The following CTDNEP1 variants were observed in gnomAD, a reference collection of about 807,000 sequenced individuals.
CTDNEP1 encodes CTD nuclear envelope phosphatase 1.
CTDNEP1 carries 3 observed loss-of-function variants against 30.1 expected under a neutral mutation model. The observed-to-expected ratio is 0.10, with a 90% confidence interval of 0.05 to 0.26. The LOEUF is 0.26. Among genes scored for constraint, CTDNEP1 ranks in the 10% least tolerant of loss-of-function variants. The pLI is 1.00. For synonymous variants in CTDNEP1, 123 were observed against 118.8 expected, an observed-to-expected ratio of 1.04 and a Z score of -0.23; for missense variants, 158 against 310.4, an observed-to-expected ratio of 0.51 and a Z score of 3.69.
chr17:7,246,448 C>T lies in CTDNEP1; in HGVS notation c.361-78G>A. 9.3e-7 allele frequency: 1 copy of T among 1,069,576 alleles called. No individual in the cohort carries two copies. Among genetic ancestry groups the T allele is most frequent in the Non-Finnish European group, 1.4e-6 (1 of 696,250 alleles). 66.3% of individuals were successfully genotyped at this position (1,069,576 alleles called of 1,614,324 possible). A position where few individuals can be genotyped will look rare whatever the true frequency, so the allele number is the denominator to read the frequency against. On this transcript the variant is annotated intron_variant, in intron 4 of 7. Transcript: ENST00000574322. This position sits in a 1 kb window ranked among gnomAD's most constrained non-coding sequence, Gnocchi z 4.9. ...GACATACAGTTATCTTTCAGAAAGGCAATGGCATAGTCCTTCAGGCCTTCC... is the reference window on the plus strand; with the variant it reads ...GACATACAGTTATCTTTCAGAAAGGTAATGGCATAGTCCTTCAGGCCTTCC...
At chr17:7,244,413 G>A in intron 7 of CTDNEP1, 138 bp downstream of exon 7, 2 of 1,184,788 alleles carry the variant, frequency 1.7e-6, no homozygotes, top group Non-Finnish European at 2.5e-6. Context: ...GAGCTTTGAA[G>A]TAAGACGACC....
chr17:7,245,147 C>T (rs903370768), intron 6 of CTDNEP1, among the ~76,000 whole-genome samples: 15 of 152,140 alleles, frequency 9.9e-5, no homozygotes, highest in Admixed American at 9.2e-4. Flanking sequence ...AAAAAATTAG[C>T]TGCGCGTGGT....
At chr17:7,248,387 T>C (rs1597574982) in intron 1 of CTDNEP1, among the ~76,000 whole-genome samples, 1 of 118,180 alleles carries the variant, frequency 8.5e-6, no homozygotes, top group Non-Finnish European at 1.7e-5. Flanking sequence ...GAGAAGGGAG[T>C]CTCACTCCAT....
chr17:7,248,153 C>T (rs1189361856), intron 1 of CTDNEP1, among the ~76,000 whole-genome samples: 3 of 140,272 alleles, frequency 2.1e-5, no homozygotes, highest in East Asian at 2.6e-4. Flanking sequence ...CCCAGCTACT[C>T]GGGAGGCTGA....
chr17:7,249,662 T>C (rs781523159), intron 1 of CTDNEP1, among the ~76,000 whole-genome samples: 1 of 152,130 alleles, frequency 6.6e-6, no homozygotes, highest in Non-Finnish European at 1.5e-5. Context: ...TCAATCCCAG[T>C]ACTTTTGTGA....
At chr17:7,251,162 TC>T in intron 1 of CTDNEP1, 32 bp downstream of exon 1, 2 of 1,503,244 alleles carry the variant, frequency 1.3e-6, no homozygotes, top group South Asian at 2.4e-5. Flanking sequence ...CCGCCAGACG[TC>T]CCCAACACCG....
Position 7,246,156 on chromosome 17 carries a change from T to A in CTDNEP1, c.478-19A>T, listed in dbSNP as rs748228830. 3.7e-6 allele frequency: 6 copies of A among 1,602,424 alleles called. No homozygotes were observed. In the African/African-American group the frequency reaches 8.0e-5, roughly 21 times the overall value. The stretch of plus-strand genomic sequence containing the variant: ...TGCAGTGCTGGAAGGCAGGGGATCA[T>A]GTAGCAGGCCTCTCTCCAGGATACT... On this transcript the variant is annotated intron_variant, in intron 5 of 7. Coordinates refer to ENST00000574322, the MANE Select transcript of CTDNEP1 (RefSeq NM_001143775.2). The surrounding 1 kb of genome is among the most constrained non-coding windows in gnomAD (Gnocchi z 4.9).
At position 7,251,219 on chromosome 17, in the gene CTDNEP1, G is replaced by A. The variant is rs148079519; in HGVS notation, c.78C>T (p.Tyr26=). The stretch of plus-strand genomic sequence containing the variant: ...CCGTGCGGATCTGCCTCCGCAGAAG[G>A]TAAATGAAGAAGCTCCAGAGCTTGG... ...FAAKLWSFFI[Y]LLRRQIRTVI... is the part of the protein sequence containing the mutation. The change falls in exon 1 of 8, where the codon TAC becomes TAT. Residue 26 remains tyrosine (Y), a synonymous_variant. Coordinates refer to ENST00000574322, the MANE Select transcript of CTDNEP1 (RefSeq NM_001143775.2). 4.1e-5 allele frequency: 66 copies of A among 1,602,848 alleles called. No homozygotes were observed. Among genetic ancestry groups the A allele is most frequent in the Non-Finnish European group, 5.4e-5 (63 of 1,175,876 alleles).
chr17:7,245,148 T>C (rs1962395643), intron 6 of CTDNEP1, among the ~76,000 whole-genome samples: 1 of 152,072 alleles, frequency 6.6e-6, no homozygotes, highest in Admixed American at 6.6e-5. Flanking sequence ...AAAAATTAGC[T>C]GCGCGTGGTG....
Position 7,246,152 on chromosome 17 carries a change from A to G in CTDNEP1, c.478-15T>C. The G allele has an allele frequency of 6.2e-7, 1 of 1,605,284 alleles. No individual in the cohort carries two copies. Among genetic ancestry groups the G allele is most frequent in the Non-Finnish European group, 8.5e-7 (1 of 1,172,140 alleles). On this transcript the variant is annotated splice_polypyrimidine_tract_variant and intron_variant, in intron 5 of 7. Coordinates refer to ENST00000574322, the MANE Select transcript of CTDNEP1 (RefSeq NM_001143775.2). The surrounding 1 kb of genome is among the most constrained non-coding windows in gnomAD (Gnocchi z 4.9). ...AAAGTGCAGTGCTGGAAGGCAGGGG[A>G]TCATGTAGCAGGCCTCTCTCCAGGA...
Position 7,246,207 on chromosome 17 carries a change from G to A in CTDNEP1, c.477+47C>T. Reference sequence around the variant, plus strand: ...CTCCTCAAACCCAGATCCCTCCCTGGTGGCCTCCCTCCCAAGCCACACTCT... The same window carrying A: ...CTCCTCAAACCCAGATCCCTCCCTGATGGCCTCCCTCCCAAGCCACACTCT... On this transcript the variant is annotated intron_variant, in intron 5 of 7. Transcript: ENST00000574322. This position sits in a 1 kb window ranked among gnomAD's most constrained non-coding sequence, Gnocchi z 4.9. The A allele has an allele frequency of 6.3e-7, 1 of 1,578,564 alleles. No homozygotes were observed. Among genetic ancestry groups the A allele is most frequent in the Non-Finnish European group, 8.7e-7 (1 of 1,147,688 alleles).
At chr17:7,247,537 C>T (rs1424001845) in intron 1 of CTDNEP1, among the ~76,000 whole-genome samples, 194 bp from the exon 2 acceptor site, 2 of 149,974 alleles carry the variant, frequency 1.3e-5, no homozygotes, top group Middle Eastern at 6.9e-3. Flanking sequence ...GGCATGATCT[C>T]GGCTCACTGC....
Position 7,251,219 on chromosome 17 carries a change from G to T in CTDNEP1, c.78C>A (p.Tyr26Ter). Residue 26 changes from tyrosine to a stop codon, truncating the protein, a stop_gained, in exon 1 of 8, where the codon TAC (tyrosine) becomes TAA (stop). Transcript: ENST00000574322. LOFTEE classifies it high-confidence loss of function. ...CCGTGCGGATCTGCCTCCGCAGAAG[G>T]TAAATGAAGAAGCTCCAGAGCTTGG... Reference protein sequence around the residue: ...FAAKLWSFFIYLLRRQIRTVI... With the variant: ...FAAKLWSFFI 6.2e-7 allele frequency: 1 copy of T among 1,602,968 alleles called. No homozygotes were observed. Among genetic ancestry groups the T allele is most frequent in the Non-Finnish European group, 8.5e-7 (1 of 1,175,870 alleles).
chr17:7,250,355 T>G (rs1443797503), intron 1 of CTDNEP1, among the ~76,000 whole-genome samples: 1 of 152,218 alleles, frequency 6.6e-6, no homozygotes, highest in Admixed American at 6.5e-5. Context: ...TGCTGTTAGC[T>G]GAAGGACCTC....
rs753553313 is a variant in CTDNEP1 at position 7,246,051 on chromosome 17, G to A, written c.564C>T (p.Ser188=). ...CTGGATGGCTCCTGTAAGCCCCTGG[G>A]GAGTTATCCAGGATCACAATGCTGG... ...DLSSIVILDN[S]PGAYRSHPDN... is the part of the protein sequence containing the mutation. The change falls in exon 6 of 8, where the codon TCC becomes TCT. Residue 188 remains serine (S), a synonymous_variant. Transcript: ENST00000574322. The surrounding 1 kb of genome is among the most constrained non-coding windows in gnomAD (Gnocchi z 4.9). 12 of 1,613,532 alleles carry A rather than the reference G, an allele frequency of 7.4e-6. No homozygotes were observed. The highest frequency in any genetic ancestry group is 9.3e-6 in the Non-Finnish European group (11 of 1,179,660).
At chr17:7,244,396 A>C in intron 7 of CTDNEP1, 151 bp from the exon 8 acceptor site, 1 of 1,199,042 alleles carries the variant, frequency 8.3e-7, no homozygotes. Context: ...CTACTAGCTA[A>C]AGTGATGAGC....
At chr17:7,249,911 A>G (rs1597575951) in intron 1 of CTDNEP1, among the ~76,000 whole-genome samples, 1 of 152,198 alleles carries the variant, frequency 6.6e-6, no homozygotes, top group East Asian at 1.9e-4. Context: ...ACTGTCTCAG[A>G]AAAGAAAAGA....
At position 7,247,054 on chromosome 17, in the gene CTDNEP1, C is replaced by A. The variant is rs1281814223; in HGVS notation, c.288+10G>T. 6.3e-7 allele frequency: 1 copy of A among 1,593,612 alleles called. No homozygotes were observed. The highest frequency in any genetic ancestry group is 8.6e-7 in the Non-Finnish European group (1 of 1,163,138). On this transcript the variant is annotated intron_variant, in intron 3 of 7. Transcript: ENST00000574322. ...ATGGAACCATTTCATCACTCCCCAC[C>A]ACCACACACCTTGAGGATGAAGTCA...
At position 7,246,365 on chromosome 17, in the gene CTDNEP1, G is replaced by C. The variant is rs749482515; in HGVS notation, c.366C>G (p.Ser122Arg). Residue 122 changes from serine to arginine, a missense_variant, in exon 5 of 8, where the codon AGC (serine) becomes AGG (arginine). Ser to Arg is a moderately radical substitution (Grantham distance 110). This residue lies in a region of CTDNEP1 where 96 missense variants were observed against 229.1 expected (regional missense o/e 0.42). Coordinates refer to ENST00000574322, the MANE Select transcript of CTDNEP1 (RefSeq NM_001143775.2). This position sits in a 1 kb window ranked among gnomAD's most constrained non-coding sequence, Gnocchi z 4.9. The part of the protein sequence containing the change: ...PHVDFFLEVV[S>R]QWYELVVFTA... ...TAAACACCACCAGCTCGTACCACTG[G>C]CTCACCTGAAATAGATTGGGGGAGA... The C allele has an allele frequency of 1.2e-6, 2 of 1,610,974 alleles. No homozygotes were observed. The highest frequency in any genetic ancestry group is 2.2e-5 in the South Asian group (2 of 90,984).
Sources: gnomAD v4.1 joint callset for allele counts (sites outside exome capture counted in the v4.1 genomes callset) on GRCh38, gnomAD v4.1.1 for gene constraint, gnomAD v4.1.1 regional missense constraint, Gnocchi (gnomAD v3.1) non-coding constraint, MANE v1.5 for transcripts, NCBI Gene and HGNC (gene_info 2026-07-23, HGNC 2026-07-21) for gene names.